SLC20A1: variants seen among roughly 807,000 people sequenced by gnomAD.
SLC20A1 encodes the protein solute carrier family 20 member 1.
In SLC20A1, 28 loss-of-function variants were observed where a neutral mutation model predicts 62.7. The observed-to-expected ratio is 0.45, with a 90% CI of 0.33 to 0.61. The LOEUF (loss-of-function observed/expected upper bound fraction) is 0.61, where lower values mean the gene tolerates loss of function less well. Ranked by LOEUF, SLC20A1 falls within the 20% of genes least tolerant of loss-of-function variation. SLC20A1 has a pLI of 0.02. For synonymous variants in SLC20A1, 305 were observed against 302.9 expected (o/e 1.01, Z -0.07); for missense variants, 673 against 838.6 (o/e 0.80, Z 2.44).
chr2:112,660,311 A>G (rs1478756253), intron 8 of SLC20A1, 76 bp from the exon 9 acceptor site: 2 of 1,291,962 alleles, frequency 1.5e-6, no homozygotes, highest in East Asian at 4.6e-5. Context: ...AACCTGGTAG[A>G]TCATTCAGCA....
At chr2:112,658,564 C>A in intron 6 of SLC20A1, 1 of 397,852 alleles carries the variant, frequency 2.5e-6, no homozygotes, top group Non-Finnish European at 4.5e-6. Context: ...CAACAATGTG[C>A]TACAGAAGCC....
intron 5 of SLC20A1, among the ~76,000 whole-genome samples, chr2:112,655,523 GTTT>G (rs35686702): frequency 0.016 from 2,193 of 136,132 alleles, 29 homozygotes; most frequent in African/African-American, 0.042. Context: ...TCTTTTATGG[GTTT>G]TTTTTTTTTT....
In SLC20A1 at chr2:112,647,077, A is replaced by C; in HGVS notation, c.249A>C (p.Glu83Asp). The stretch of plus-strand genomic sequence containing the variant: ...TCTTACTGGGGGCCAAAGTGAGCGA[A>C]ACCATCCGGAAGGGCTTGATTGACG... ...GSVLLGAKVS[E>D]TIRKGLIDVE... The change falls in exon 2 of 11, where the codon GAA becomes GAC. Residue 83 changes from glutamate to aspartate, a missense_variant. By Grantham distance (45) the Glu-to-Asp change is conservative (BLOSUM62 2). Transcript: ENST00000272542. 6.2e-7 allele frequency: 1 copy of C among 1,614,120 alleles called. No homozygotes were observed. Among genetic ancestry groups the C allele is most frequent in the African/African-American group, 1.3e-5 (1 of 75,006 alleles).
chr2:112,661,160 G>T lies in SLC20A1; in HGVS notation c.1812G>T (p.Leu604=). The T allele has an allele frequency of 6.2e-7, 1 of 1,613,964 alleles. No homozygotes were observed. The highest frequency in any genetic ancestry group is 8.5e-7 in the Non-Finnish European group (1 of 1,179,892). ...TCTGTAGTGGCTTCAGTATTGAACT[G>T]GCATCTGCCCTCACTGTGGTGATTG... ...ITPSSGFSIE[L]ASALTVVIAS... is the part of the protein sequence containing the mutation. The change falls in exon 10 of 11, where the codon CTG becomes CTT. Residue 604 remains leucine (L), a synonymous_variant. Transcript: ENST00000272542.
At position 112,663,213 on chromosome 2, in the gene SLC20A1, T is replaced by A; in HGVS notation, c.*188T>A. ...ATATGAATTGTCTCAAAATTAGCTGTGTAAAATAGCCCGGGTTCCACTGGC... is the reference window on the plus strand; with the variant it reads ...ATATGAATTGTCTCAAAATTAGCTGAGTAAAATAGCCCGGGTTCCACTGGC... On this transcript the variant is annotated 3_prime_UTR_variant, in exon 11 of 11. Transcript: ENST00000272542. 1.4e-6 allele frequency: 1 copy of A among 732,192 alleles called. No homozygotes were observed. The highest frequency in any genetic ancestry group is 2.4e-6 in the Non-Finnish European group (1 of 411,442). 45.4% of individuals were successfully genotyped at this position (732,192 alleles called of 1,614,324 possible).
At chr2:112,653,177 A>G (rs940207540) in intron 5 of SLC20A1, 3 of 304,242 alleles carry the variant, frequency 9.9e-6, no homozygotes, top group Non-Finnish European at 1.9e-5. Context: ...GGTTTGCTGG[A>G]TATTCTCATT....
chr2:112,649,424 C>T (rs1413216772), intron 4 of SLC20A1, among the ~76,000 whole-genome samples: 1 of 152,164 alleles, frequency 6.6e-6, no homozygotes, highest in Non-Finnish European at 1.5e-5. Flanking sequence ...ATTTCTGCTT[C>T]CTTTTAGGAG....
chr2:112,650,407 A>T (rs1686402671), intron 4 of SLC20A1, among the ~76,000 whole-genome samples: 2 of 145,630 alleles, frequency 1.4e-5, no homozygotes, highest in African/African-American at 5.1e-5. Flanking sequence ...ATCTGGGCTT[A>T]CTGCAACCTC....
rs1686692928 is a variant in SLC20A1, at chr2:112,659,548, A to G, written c.1393A>G (p.Thr465Ala). The change falls in exon 8 of 11, where the codon ACC becomes GCC. Residue 465 changes from threonine to alanine, a missense_variant. Transcript: ENST00000272542. ...GAAGCGAATTCGAATGGACAGTTAC[A>G]CCAGTTACTGCAATGCTGTGTCTGA... ...SKKRIRMDSY[T>A]SYCNAVSDLH... 6.2e-7 allele frequency: 1 copy of G among 1,614,116 alleles called. No individual in the cohort carries two copies. The highest frequency in any genetic ancestry group is 8.5e-7 in the Non-Finnish European group (1 of 1,180,034).
At chr2:112,659,121 T>C (rs966399898) in intron 7 of SLC20A1, 27 bp downstream of exon 7, 12 of 1,609,978 alleles carry the variant, frequency 7.5e-6, no homozygotes, top group Admixed American at 1.7e-5. Context: ...GGTTTCACTT[T>C]TGTTACCTGC....
intron 1 of SLC20A1, among the ~76,000 whole-genome samples, 193 bp downstream of exon 1, chr2:112,646,322 C>G (rs1686272787): frequency 6.6e-6 from 1 of 151,868 alleles, no homozygotes; most frequent in South Asian, 2.1e-4. Context: ...GGGAACGGCC[C>G]TTTTCCGATT....
In SLC20A1 at chr2:112,658,894, A is replaced by T. The variant is rs1331538071; in HGVS notation, c.848A>T (p.Glu283Val). The T allele has an allele frequency of 6.2e-7, 1 of 1,614,048 alleles. No homozygotes were observed. The highest frequency in any genetic ancestry group is 8.5e-7 in the Non-Finnish European group (1 of 1,180,018). Reference protein sequence around the residue: ...EKKNSLKEDHEETKLSVGDIE... With the variant: ...EKKNSLKEDHVETKLSVGDIE... Reference sequence around the variant, plus strand: ...AAGAATAGCTTGAAAGAAGACCATGAAGAAACAAAGTTGTCTGTTGGTGAT... The same window carrying T: ...AAGAATAGCTTGAAAGAAGACCATGTAGAAACAAAGTTGTCTGTTGGTGAT... Residue 283 changes from glutamate to valine, a missense_variant, in exon 7 of 11, where the codon GAA becomes GTA. Physicochemically the swap from Glu to Val is moderately radical, Grantham distance 121. Coordinates refer to ENST00000272542, the MANE Select transcript of SLC20A1 (RefSeq NM_005415.5).
intron 5 of SLC20A1, 139 bp downstream of exon 5, chr2:112,652,937 T>C: frequency 1.3e-6 from 2 of 1,576,134 alleles, no homozygotes; most frequent in Non-Finnish European, 1.7e-6. Flanking sequence ...TTCAGAAGGC[T>C]GCAGGCTAGT....
chr2:112,658,731 T>A (rs1686665460), intron 6 of SLC20A1, 94 bp from the exon 7 acceptor site: 3 of 1,350,268 alleles, frequency 2.2e-6, no homozygotes, highest in Non-Finnish European at 3.0e-6. Context: ...ATTCTTGTTT[T>A]GAGATGAGTT....
rs766112430 is a variant in SLC20A1 at position 112,658,923 on chromosome 2, GAA to G, written c.880_881del (p.Asn294GlnfsTer6). ...AACAAAGTTGTCTGTTGGTGATATT[GAA>G]AACAAGCATCCTGTTTCTGAGGTAG... Reference protein sequence around the residue: ...EETKLSVGDIENKHPVSEVGP... With the variant: ...EETKLSVGDIXNKHPVSEVGP... On this transcript the variant is annotated frameshift_variant, in exon 7 of 11. Coordinates refer to ENST00000272542, the MANE Select transcript of SLC20A1 (RefSeq NM_005415.5). LOFTEE classifies it high-confidence loss of function. The G allele has an allele frequency of 6.2e-7, 1 of 1,614,152 alleles. No homozygotes were observed. The highest frequency in any genetic ancestry group is 1.7e-5 in the Admixed American group (1 of 60,012).
chr2:112,647,113 C>G lies in SLC20A1; in HGVS notation c.285C>G (p.Tyr95Ter). 6.2e-7 allele frequency: 1 copy of G among 1,614,140 alleles called. No homozygotes were observed. The change falls in exon 2 of 11, where the codon TAC (tyrosine) becomes TAG (stop). Residue 95 changes from tyrosine (Y) to a stop codon, truncating the protein, a stop_gained. Transcript: ENST00000272542. LOFTEE classifies it high-confidence loss of function. ...IRKGLIDVEM[Y>*]NSTQGLLMAG... Reference sequence around the variant, plus strand: ...AGGGCTTGATTGACGTGGAGATGTACAACTCGACTCAAGGGCTGCTGATGG... The same window carrying G: ...AGGGCTTGATTGACGTGGAGATGTAGAACTCGACTCAAGGGCTGCTGATGG...
At chr2:112,649,493 T>G (rs149159898) in intron 4 of SLC20A1, among the ~76,000 whole-genome samples, 172 of 152,344 alleles carry the variant, frequency 1.1e-3, no homozygotes, top group African/African-American at 3.7e-3. Flanking sequence ...ACTGCTAAAA[T>G]CTGAATATTT....
intron 4 of SLC20A1, among the ~76,000 whole-genome samples, chr2:112,648,109 T>G (rs1686335605): frequency 6.6e-6 from 1 of 152,146 alleles, no homozygotes; most frequent in Admixed American, 6.6e-5. Flanking sequence ...CAGTGTCCCC[T>G]GTGGCTTTTT....
chr2:112,656,989 C>G (rs1374422872), intron 5 of SLC20A1, 133 bp from the exon 6 acceptor site: 1 of 1,062,310 alleles, frequency 9.4e-7, no homozygotes, highest in Admixed American at 1.7e-5. Flanking sequence ...ATCCTGTGCA[C>G]TTAAATCTGG....
Sources: allele counts gnomAD v4.1 joint callset (sites outside exome capture counted in the v4.1 genomes callset), GRCh38; gene constraint gnomAD v4.1.1; transcripts MANE v1.5; gene names NCBI Gene and HGNC (gene_info 2026-07-23, HGNC 2026-07-21).